KDM4B: variants seen among roughly 807,000 people sequenced by gnomAD.
KDM4B encodes lysine-specific demethylase 4B.
A neutral mutation model predicts 125.2 loss-of-function variants in KDM4B; 32 were observed. That is an observed-to-expected ratio of 0.26 (90% CI 0.19 to 0.34). The LOEUF is 0.34. Ranked by LOEUF, KDM4B falls within the 10% of genes least tolerant of loss-of-function variation. The pLI is 1.00. For missense variants in KDM4B, 1,190 were observed against 1,577.7 expected, an observed-to-expected ratio of 0.75 and a Z score of 4.16; for synonymous variants, 721 against 677.9, an observed-to-expected ratio of 1.06 and a Z score of -0.99.
In KDM4B at chr19:5,110,689, G is replaced by T. The variant is rs1012919008; in HGVS notation, c.986G>T (p.Arg329Leu). The change falls in exon 10 of 23, where the codon CGC becomes CTC. Residue 329 changes from arginine (R) to leucine (L), a missense_variant. By Grantham distance (102) the Arg-to-Leu change is moderately radical (BLOSUM62 -2). This residue lies in a region of KDM4B where 428 missense variants were observed against 405.1 expected (regional missense o/e 1.06). Coordinates refer to ENST00000159111, the MANE Select transcript of KDM4B (RefSeq NM_015015.3). ...TTCGTGCGCATCCTGCAGCCCGAGC[G>T]CTACGAGCTGTGGAAGCAGGGCAAG... ...DVFVRILQPE[R>L]YELWKQGKDL... 1 of 1,613,044 alleles carries T rather than the reference G, an allele frequency of 6.2e-7. No individual in the cohort carries two copies. Among genetic ancestry groups the T allele is most frequent in the Non-Finnish European group, 8.5e-7 (1 of 1,179,896 alleles).
In KDM4B at chr19:5,106,993, G is replaced by C. The variant is rs115010553; in HGVS notation, c.919-3629G>C. Reference sequence around the variant, plus strand: ...AGAATGCGGCGTATTTGGGAACAAAGACCCTCAGTGGAGACTGGCAGTGGG... The same window carrying C: ...AGAATGCGGCGTATTTGGGAACAAACACCCTCAGTGGAGACTGGCAGTGGG... On this transcript the variant is annotated intron_variant, in intron 9 of 22. Coordinates refer to ENST00000159111, the MANE Select transcript of KDM4B (RefSeq NM_015015.3). 5.0e-3 allele frequency among the ~76,000 whole-genome samples: 766 copies of C among 152,320 alleles called. 10 individuals are homozygous for C. Among genetic ancestry groups the C allele is most frequent in the African/African-American group, 0.017 (703 of 41,562 alleles).
At chr19:5,122,799 G>A (rs1055137637) in intron 11 of KDM4B, among the ~76,000 whole-genome samples, 2 of 152,258 alleles carry the variant, frequency 1.3e-5, no homozygotes, top group Admixed American at 6.5e-5. Flanking sequence ...GCTCTGGGAA[G>A]CGCTGCAGAC....
chr19:5,133,241 G>A (rs944071799), intron 13 of KDM4B, among the ~76,000 whole-genome samples: 1 of 152,166 alleles, frequency 6.6e-6, no homozygotes, highest in Non-Finnish European at 1.5e-5. Context: ...GAGAGAGACC[G>A]CCGCGGCTTC....
chr19:5,056,926 A>G (rs1171963471), intron 6 of KDM4B, among the ~76,000 whole-genome samples: 6 of 151,498 alleles, frequency 4.0e-5, no homozygotes, highest in Non-Finnish European at 8.8e-5. Flanking sequence ...GGGTGTCTAG[A>G]GCCCTGCCTG....
chr19:5,056,002 C>T (rs1033619831), intron 6 of KDM4B, among the ~76,000 whole-genome samples: 1 of 152,192 alleles, frequency 6.6e-6, no homozygotes, highest in South Asian at 2.1e-4. Flanking sequence ...TTTCTGTCCC[C>T]TGAACCCATC....
At chr19:4,982,204 A>G (rs113414822) in intron 1 of KDM4B, among the ~76,000 whole-genome samples, 1 of 152,010 alleles carries the variant, frequency 6.6e-6, no homozygotes, top group Admixed American at 6.6e-5. Flanking sequence ...AGGCAGGAGA[A>G]TCGCTTGAAC....
rs2039539559 is a variant in KDM4B at position 5,131,275 on chromosome 19, C to T, written c.1515C>T (p.Pro505=). Residue 505 remains proline, a synonymous_variant, in exon 12 of 23, where the codon CCC becomes CCT. Coordinates refer to ENST00000159111, the MANE Select transcript of KDM4B (RefSeq NM_015015.3). ...TGGAGGAGAGCCCCCTGCCGGCACC[C>T]CTTAATGTCGTGCCCCCTGAGGTGC... ...AAMEESPLPA[P]LNVVPPEVPS... 3.1e-6 allele frequency: 5 copies of T among 1,611,658 alleles called. No individual in the cohort carries two copies. The highest frequency in any genetic ancestry group is 4.2e-6 in the Non-Finnish European group (5 of 1,179,516).
intron 9 of KDM4B, among the ~76,000 whole-genome samples, chr19:5,097,865 C>T (rs2038858129): frequency 6.6e-6 from 1 of 152,232 alleles, no homozygotes; most frequent in Non-Finnish European, 1.5e-5. Flanking sequence ...TCCCCTCGGC[C>T]ACCAGTGAGA....
At chr19:5,080,191 G>A (rs1265072144) in intron 8 of KDM4B, among the ~76,000 whole-genome samples, 1 of 152,224 alleles carries the variant, frequency 6.6e-6, no homozygotes, top group Non-Finnish European at 1.5e-5. Flanking sequence ...AAATATCACA[G>A]TGTTCTTAAG....
intron 6 of KDM4B, among the ~76,000 whole-genome samples, chr19:5,062,786 T>TG (rs1170582849): frequency 6.8e-6 from 1 of 147,926 alleles, no homozygotes; most frequent in East Asian, 2.0e-4. Context: ...TTTTTTTTTT[T>TG]TTTTTTTTTT....
At chr19:5,137,409 CT>C in intron 16 of KDM4B, 71 bp downstream of exon 16, 1 of 1,422,762 alleles carries the variant, frequency 7.0e-7, no homozygotes, top group Non-Finnish European at 9.6e-7. Context: ...AGTGGGGTGA[CT>C]TTGGGGCGTA....
chr19:4,969,647 G>A (rs987783933), intron 1 of KDM4B, among the ~76,000 whole-genome samples: 4 of 152,098 alleles, frequency 2.6e-5, no homozygotes, highest in Admixed American at 2.0e-4. Flanking sequence ...TTGAAAGAAA[G>A]CAAGAAAAAG....
intron 1 of KDM4B, among the ~76,000 whole-genome samples, chr19:4,980,211 T>A (rs1231981061): frequency 2.6e-5 from 4 of 152,176 alleles, no homozygotes; most frequent in Admixed American, 6.5e-5. Flanking sequence ...AAAGGCACTC[T>A]GCCTCCACCA....
At position 5,151,564 on chromosome 19, in the gene KDM4B, C is replaced by T. The variant is rs975707030; in HGVS notation, c.*53C>T. 1.6e-6 allele frequency: 2 copies of T among 1,276,986 alleles called. No individual in the cohort carries two copies. The highest frequency in any genetic ancestry group is 2.0e-6 in the Non-Finnish European group (2 of 1,004,550). 79.1% of individuals were successfully genotyped at this position (1,276,986 alleles called of 1,614,324 possible). A position where few individuals can be genotyped will look rare whatever the true frequency, so the allele number is the denominator to read the frequency against. On this transcript the variant is annotated 3_prime_UTR_variant, in exon 23 of 23. Coordinates refer to ENST00000159111, the MANE Select transcript of KDM4B (RefSeq NM_015015.3). ...GCCCGGCGGGGAGGCCATGGCATGC[C>T]CCGGGCGTTCGCTTGCTGTGAATTC...
At chr19:5,002,793 A>G (rs112244614) in intron 1 of KDM4B, among the ~76,000 whole-genome samples, 10,722 of 152,042 alleles carry the variant, frequency 0.071, 463 homozygotes, top group African/African-American at 0.1. Context: ...TACAAAAAAG[A>G]AAAAAAAGTT....
chr19:5,051,283 C>A (rs890545551), intron 6 of KDM4B, among the ~76,000 whole-genome samples: 1 of 152,258 alleles, frequency 6.6e-6, no homozygotes, highest in Non-Finnish European at 1.5e-5. Context: ...GCCATCCCCC[C>A]TCGAGGGCCC....
chr19:5,068,006 A>G (rs575622876), intron 6 of KDM4B, among the ~76,000 whole-genome samples: 15 of 152,218 alleles, frequency 9.9e-5, no homozygotes, highest in African/African-American at 3.6e-4. Context: ...CAGCCCCGAG[A>G]AATTGCTCAC....
intron 1 of KDM4B, among the ~76,000 whole-genome samples, chr19:4,993,927 T>A (rs891549276): frequency 1.4e-4 from 22 of 151,968 alleles, no homozygotes; most frequent in African/African-American, 7.2e-5. Context: ...CATTTTTTTT[T>A]AAGTCTATTT....
At chr19:5,101,551 A>C (rs937245172) in intron 9 of KDM4B, among the ~76,000 whole-genome samples, 3 of 151,352 alleles carry the variant, frequency 2.0e-5, no homozygotes, top group African/African-American at 7.3e-5. Context: ...ACAAAACCCC[A>C]AAACCCAAAA....
Sources: gnomAD v4.1 joint callset for allele counts (sites outside exome capture counted in the v4.1 genomes callset) on GRCh38, gnomAD v4.1.1 for gene constraint, gnomAD v4.1.1 regional missense constraint, MANE v1.5 for transcripts, NCBI Gene and HGNC (gene_info 2026-07-23, HGNC 2026-07-21) for gene names.